Variants in USP32 observed in about 807,000 individuals in gnomAD.
USP32 encodes the protein ubiquitin carboxyl-terminal hydrolase 32.
Under a neutral mutation model 204.8 loss-of-function variants are expected in USP32, and 59 were observed. That is an observed-to-expected ratio of 0.29 (90% confidence interval 0.23 to 0.36). USP32 has a LOEUF of 0.36. Among genes scored for constraint, USP32 ranks in the 10% least tolerant of loss-of-function variants. The pLI, the probability that USP32 is intolerant of heterozygous loss-of-function variation, is 1.00. For missense variants in USP32, 1,160 were observed against 1,946.4 expected, an observed-to-expected ratio of 0.60 and a Z score of 7.60; for synonymous variants, 517 against 678.4, an observed-to-expected ratio of 0.76 and a Z score of 3.70.
At chr17:60,260,431 G>T (rs1440205236) in intron 9 of USP32, among the ~76,000 whole-genome samples, 1 of 151,664 alleles carries the variant, frequency 6.6e-6, no homozygotes, top group African/African-American at 2.4e-5. Context: ...GCTGAGGCAT[G>T]AGAATCATTT....
At chr17:60,271,563 A>T (rs556983246) in intron 5 of USP32, 82 bp from the exon 6 acceptor site, 20 of 1,344,186 alleles carry the variant, frequency 1.5e-5, no homozygotes, top group Non-Finnish European at 1.8e-5. Context: ...TATATCTTCC[A>T]CAGATATATT....
chr17:60,419,846 T>TTA (rs1285858207), intron 1 of USP32, among the ~76,000 whole-genome samples: 2 of 144,486 alleles, frequency 1.4e-5, no homozygotes, highest in African/African-American at 5.0e-5. Flanking sequence ...ATTATTATTA[T>TTA]TATTATTATT....
At chr17:60,245,630 G>A in intron 11 of USP32, 1 of 292,938 alleles carries the variant, frequency 3.4e-6, no homozygotes, top group Non-Finnish European at 6.6e-6. Flanking sequence ...ACTTCACAAG[G>A]GGTCTGAGGG....
intron 26 of USP32, among the ~76,000 whole-genome samples, chr17:60,203,504 T>C (rs1003736169): frequency 6.6e-6 from 1 of 152,128 alleles, no homozygotes; most frequent in African/African-American, 2.4e-5. Flanking sequence ...GTACCTTTTT[T>C]ACAATTTCGT....
chr17:60,244,313 C>T (rs936166466), intron 11 of USP32, among the ~76,000 whole-genome samples: 2 of 152,014 alleles, frequency 1.3e-5, no homozygotes, highest in African/African-American at 4.8e-5. Context: ...CCACCGTGCC[C>T]AGCCAAGTAG....
At chr17:60,260,412 A>C (rs2086422848) in intron 9 of USP32, among the ~76,000 whole-genome samples, 1 of 151,798 alleles carries the variant, frequency 6.6e-6, no homozygotes, top group South Asian at 2.1e-4. Context: ...AATCCCAGCT[A>C]CTCAGGAGGC....
At chr17:60,395,956 A>C (rs563200983), upstream of USP32, among the ~76,000 whole-genome samples, 7 of 152,286 alleles carry the variant, frequency 4.6e-5, no homozygotes, top group East Asian at 1.3e-3. Context: ...ACGTGACACC[A>C]ACACATTAAG....
chr17:60,219,560 CCTTT>C lies in USP32; in HGVS notation c.1867+106_1867+109del. The stretch of plus-strand genomic sequence containing the variant: ...CAGACTTCGAGCAACGTAGTTTTCA[CCTTT>C]TTTTTTTTTTTTTTTTTTTTTTTTA... On this transcript the variant is annotated intron_variant, in intron 16 of 33. Coordinates refer to ENST00000300896, the MANE Select transcript of USP32 (RefSeq NM_032582.4). 4 of 1,161,134 alleles carry C rather than the reference CCTTT, an allele frequency of 3.4e-6. No homozygotes were observed. In the South Asian group the frequency reaches 5.6e-5, roughly 16 times the overall value. 71.9% of individuals were successfully genotyped at this position (1,161,134 alleles called of 1,614,324 possible).
chr17:60,233,734 TCCC>T (rs1420285423), intron 12 of USP32, among the ~76,000 whole-genome samples: 1 of 152,136 alleles, frequency 6.6e-6, no homozygotes, highest in African/African-American at 2.4e-5. Context: ...AACTTACATT[TCCC>T]CCACCTTATT....
intron 2 of USP32, among the ~76,000 whole-genome samples, chr17:60,317,188 G>T (rs1296955308): frequency 3.3e-5 from 5 of 152,018 alleles, no homozygotes; most frequent in African/African-American, 1.2e-4. Flanking sequence ...CATTGTGAAT[G>T]TAATTAATAC....
At chr17:60,254,771 T>G (rs980348884) in intron 10 of USP32, among the ~76,000 whole-genome samples, 2 of 152,146 alleles carry the variant, frequency 1.3e-5, no homozygotes, top group Non-Finnish European at 2.9e-5. Flanking sequence ...ATGATTCATC[T>G]TTCTGGTCAT....
intron 9 of USP32, 26 bp downstream of exon 9, chr17:60,265,386 G>C (rs1201151507): frequency 6.6e-7 from 1 of 1,508,242 alleles, no homozygotes; most frequent in African/African-American, 1.4e-5. Flanking sequence ...TTTAGAAAAA[G>C]ATAAATTAGT....
chr17:60,225,735 C>T (rs1317909870), intron 13 of USP32, among the ~76,000 whole-genome samples: 8 of 151,920 alleles, frequency 5.3e-5, no homozygotes, highest in African/African-American at 1.7e-4. Context: ...AGGCAGATCA[C>T]GAGGTTGGGA....
intron 9 of USP32, among the ~76,000 whole-genome samples, chr17:60,258,581 AG>A (rs1783248101): frequency 1.3e-5 from 2 of 152,242 alleles, no homozygotes; most frequent in Admixed American, 1.3e-4. Context: ...CTTGAATTGT[AG>A]GGTGTTGTAT....
intron 1 of USP32, among the ~76,000 whole-genome samples, chr17:60,375,547 A>C (rs547048225): frequency 1.3e-5 from 2 of 152,294 alleles, no homozygotes; most frequent in African/African-American, 4.8e-5. Flanking sequence ...GTGTACAAAC[A>C]ATACATACTA....
chr17:60,355,067 A>G lies in USP32; in HGVS notation c.59-9459T>C, dbSNP rs114167832. The stretch of plus-strand genomic sequence containing the variant: ...TCAAAAACAAAAACATAAAACTATG[A>G]TACATTCTTATTATAGAATACTTTT... On this transcript the variant is annotated intron_variant, in intron 1 of 33. Coordinates refer to ENST00000300896, the MANE Select transcript of USP32 (RefSeq NM_032582.4). Among the ~76,000 whole-genome samples the G allele has an allele frequency of 2.0e-3, 304 of 152,334 alleles. 2 individuals carry two copies. Among genetic ancestry groups the G allele is most frequent in the African/African-American group, 7.1e-3 (295 of 41,584 alleles).
chr17:60,240,094 T>C lies in USP32; in HGVS notation c.1137-3854A>G, dbSNP rs79272653. ...CACCTCCATTAGCTCTTTGAACATA[T>C]TTAAGATAATTGATTTTAAATGTTT... On this transcript the variant is annotated intron_variant, in intron 11 of 33. Coordinates refer to ENST00000300896, the MANE Select transcript of USP32 (RefSeq NM_032582.4). 1.9e-4 allele frequency among the ~76,000 whole-genome samples: 29 copies of C among 152,348 alleles called. No individual in the cohort carries two copies. In the East Asian group the frequency reaches 5.6e-3, roughly 29 times the overall value.
intron 12 of USP32, chr17:60,231,507 C>T (rs767143443): frequency 8.2e-6 from 4 of 489,918 alleles, no homozygotes; most frequent in South Asian, 5.7e-5. Flanking sequence ...TTATTTCCCA[C>T]TCAACTACAC....
intron 9 of USP32, among the ~76,000 whole-genome samples, chr17:60,263,165 C>T (rs754967290): frequency 3.3e-5 from 5 of 151,970 alleles, no homozygotes; most frequent in East Asian, 1.9e-4. Context: ...CCAGGCTGGT[C>T]GAGAGCTCCT....
Sources: allele counts gnomAD v4.1 joint callset (sites outside exome capture counted in the v4.1 genomes callset), GRCh38; gene constraint gnomAD v4.1.1; transcripts MANE v1.5; gene names NCBI Gene and HGNC (gene_info 2026-07-23, HGNC 2026-07-21).